UBR4: variants seen among roughly 807,000 people sequenced by gnomAD.
UBR4 encodes the protein E3 ubiquitin-protein ligase UBR4.
UBR4 carries 124 observed loss-of-function variants against 575.6 expected under a neutral mutation model. The ratio of observed to expected loss-of-function variants is 0.22; its 90% confidence interval spans 0.19 to 0.25. UBR4 has a LOEUF of 0.25. Ranked by LOEUF, UBR4 falls within the 10% of genes least tolerant of loss-of-function variation. UBR4 has a pLI of 1.00. For missense variants in UBR4, 4,818 were observed against 6,478.8 expected, an observed-to-expected ratio of 0.74 and a Z score of 8.80; for synonymous variants, 2,455 against 2,473.7, an observed-to-expected ratio of 0.99 and a Z score of 0.22.
chr1:19,106,041 G>A (rs2079154835), intron 83 of UBR4, among the ~76,000 whole-genome samples, 199 bp from the exon 84 acceptor site: 1 of 152,184 alleles, frequency 6.6e-6, no homozygotes. Flanking sequence ...AAAGAGCCCT[G>A]CTTCTGCCTG....
At chr1:19,195,852 T>G (rs1208329190) in intron 8 of UBR4, among the ~76,000 whole-genome samples, 1 of 152,038 alleles carries the variant, frequency 6.6e-6, no homozygotes, top group Non-Finnish European at 1.5e-5. Flanking sequence ...TCTTTAATGG[T>G]CTCTACTATC....
rs1429019423 is a variant in UBR4 at position 19,162,493 on chromosome 1, C to T, written c.4883G>A (p.Arg1628Gln). 3 of 1,614,046 alleles carry T rather than the reference C, an allele frequency of 1.9e-6. No individual in the cohort carries two copies. Among genetic ancestry groups the T allele is most frequent in the Non-Finnish European group, 8.5e-7 (1 of 1,179,944 alleles). The change falls in exon 35 of 106, where the codon CGG becomes CAG. Residue 1628 changes from arginine to glutamine, a missense_variant. Around this residue, in one of 29 missense-constraint regions of UBR4, gnomAD observed 1,172 missense variants for 1,259.7 expected, o/e 0.93. Coordinates refer to ENST00000375254, the MANE Select transcript of UBR4 (RefSeq NM_020765.3). ...CCAGTCTGAGTCTACTTCAATGGCC[C>T]GCTCTTCCCCATCCACTGAGAGATG... Reference protein sequence around the residue: ...PSHLSVDGEERAIEVDSDWVE... With the variant: ...PSHLSVDGEEQAIEVDSDWVE...
At chr1:19,175,670 A>G (rs1277348748) in intron 20 of UBR4, among the ~76,000 whole-genome samples, 1 of 152,240 alleles carries the variant, frequency 6.6e-6, no homozygotes, top group Non-Finnish European at 1.5e-5. Context: ...TTAGCTATAC[A>G]TTAGAACCAC....
intron 78 of UBR4, chr1:19,112,300 A>T (rs2079986300): frequency 1.8e-6 from 1 of 540,822 alleles, no homozygotes; most frequent in South Asian, 2.8e-5. Context: ...ACTGGAACCA[A>T]AAAAGCACAA....
chr1:19,080,476 T>C (rs2076377859), intron 103 of UBR4: 1 of 152,182 alleles, frequency 6.6e-6, no homozygotes, highest in South Asian at 2.1e-4. Context: ...CCCTAAAAGT[T>C]TCTCTCTGCT....
At chr1:19,125,242 T>C (rs2081595231) in intron 64 of UBR4, among the ~76,000 whole-genome samples, 1 of 152,176 alleles carries the variant, frequency 6.6e-6, no homozygotes, top group Non-Finnish European at 1.5e-5. Context: ...TGTGGTCCCA[T>C]AAAAAGAATC....
In UBR4 at chr1:19,153,809, A is replaced by G; in HGVS notation, c.6589T>C (p.Phe2197Leu). ...PLVVMVKPDT[F>L]LIQEIKTLPA... ...AGAGTCTTAATCTCCTGGATAAGAA[A>G]AGTGTCTGGTTTCACCATAACTACC... Residue 2197 changes from phenylalanine to leucine, a missense_variant, in exon 45 of 106, where the codon TTT becomes CTT. Physicochemically the swap from Phe to Leu is conservative, Grantham distance 22. Transcript: ENST00000375254. This position sits in a 1 kb window ranked among gnomAD's most constrained non-coding sequence, Gnocchi z 4.1. The G allele has an allele frequency of 6.2e-7, 1 of 1,614,198 alleles. No individual in the cohort carries two copies. The highest frequency in any genetic ancestry group is 2.2e-5 in the East Asian group (1 of 44,878).
Position 19,198,648 on chromosome 1 carries a change from T to A in UBR4, c.541A>T (p.Ser181Cys). 1 of 1,614,190 alleles carries A rather than the reference T, an allele frequency of 6.2e-7. No homozygotes were observed. The highest frequency in any genetic ancestry group is 8.5e-7 in the Non-Finnish European group (1 of 1,180,010). Residue 181 changes from serine (S) to cysteine (C), a missense_variant, in exon 5 of 106, where the codon AGC (serine) becomes TGC (cysteine). Ser to Cys is a moderately radical substitution (Grantham distance 112). Transcript: ENST00000375254. Reference sequence around the variant, plus strand: ...ACCTCCTTTTGCCTCAACTCAGGGCTTACTGGTGAGGCCAGCTCTTTCTGA... The same window carrying A: ...ACCTCCTTTTGCCTCAACTCAGGGCATACTGGTGAGGCCAGCTCTTTCTGA... Reference protein sequence around the residue: ...EDQKELASPVSPELRQKEVQM... With the variant: ...EDQKELASPVCPELRQKEVQM...
intron 74 of UBR4, 104 bp from the exon 75 acceptor site, chr1:19,115,053 C>T (rs2080333463): frequency 6.7e-7 from 1 of 1,481,944 alleles, no homozygotes; most frequent in Non-Finnish European, 9.2e-7. Flanking sequence ...CTGGTAACTA[C>T]TGCAGGGGCT....
intron 29 of UBR4, among the ~76,000 whole-genome samples, chr1:19,166,616 G>A (rs1459383786): frequency 1.3e-5 from 2 of 150,270 alleles, no homozygotes; most frequent in South Asian, 2.1e-4. Context: ...GGTGGCTCAC[G>A]CCTGTAATCC....
Position 19,150,553 on chromosome 1 carries a change from GCCAA to G in UBR4, c.7430+20_7430+23del. 1 of 1,611,042 alleles carries G rather than the reference GCCAA, an allele frequency of 6.2e-7. No individual in the cohort carries two copies. The highest frequency in any genetic ancestry group is 8.5e-7 in the Non-Finnish European group (1 of 1,178,840). On this transcript the variant is annotated intron_variant, in intron 49 of 105. Coordinates refer to ENST00000375254, the MANE Select transcript of UBR4 (RefSeq NM_020765.3). ...GTGAGTGGAATATGTAAAAACTGAAGCCAACCCCTGCCAGCACTGGTACCTCTCC... is the reference window on the plus strand; with the variant it reads ...GTGAGTGGAATATGTAAAAACTGAAGCCCCTGCCAGCACTGGTACCTCTCC...
At chr1:19,161,170 T>A (rs745867205) in intron 37 of UBR4, 23 bp from the exon 38 acceptor site, 1 of 1,607,626 alleles carries the variant, frequency 6.2e-7, no homozygotes, top group South Asian at 1.1e-5. Context: ...AATGTCAGAG[T>A]CCCTAAGTTC....
chr1:19,110,353 C>T lies in UBR4; in HGVS notation c.11977+27G>A. On this transcript the variant is annotated intron_variant, in intron 80 of 105. Transcript: ENST00000375254. This position sits in a 1 kb window ranked among gnomAD's most constrained non-coding sequence, Gnocchi z 4.5. ...AGGACTGCTCCTTTGAGCCTCCTTT[C>T]CTTTCTCTGAAAATCCCCTAACTCA... 6.2e-7 allele frequency: 1 copy of T among 1,613,936 alleles called. No individual in the cohort carries two copies. Among genetic ancestry groups the T allele is most frequent in the Non-Finnish European group, 8.5e-7 (1 of 1,179,910 alleles).
chr1:19,076,487 G>C (rs370745360), intron 105 of UBR4, among the ~76,000 whole-genome samples: 1 of 152,288 alleles, frequency 6.6e-6, no homozygotes, highest in East Asian at 1.9e-4. Flanking sequence ...GGGCTGCCTC[G>C]AGGGCTGAGA....
Position 19,198,192 on chromosome 1 carries a change from AG to A in UBR4, c.649-144del, listed in dbSNP as rs1245046385. On this transcript the variant is annotated intron_variant, in intron 5 of 105. Transcript: ENST00000375254. ...TCCTTACTCATGTTGGAGAAAATAC[AG>A]GTTACATTTTCAGGAGGAGGGAAAA... 9 of 842,282 alleles carry A rather than the reference AG, an allele frequency of 1.1e-5. No homozygotes were observed. The African/African-American group carries it at 1.5e-4, about 14-fold the overall frequency. 52.2% of individuals were successfully genotyped at this position (842,282 alleles called of 1,614,324 possible).
rs767014607 is a variant in UBR4, at chr1:19,156,377, T to G, written c.5966A>C (p.His1989Pro). ...TGCCAACTGAGGGTGCAAAACCAAG[T>G]GATCCGAAACAGAGCCTGAGCTACT... The part of the protein sequence containing the change: ...TFSSSGSVSD[H>P]LVLHPQLATG... The change falls in exon 42 of 106, where the codon CAC becomes CCC. Residue 1989 changes from histidine to proline, a missense_variant. Physicochemically the swap from His to Pro is moderately conservative, Grantham distance 77 (BLOSUM62 -2). Transcript: ENST00000375254. 5.0e-6 allele frequency: 8 copies of G among 1,614,062 alleles called. No homozygotes were observed. The highest frequency in any genetic ancestry group is 2.5e-6 in the Non-Finnish European group (3 of 1,180,024).
In UBR4 at chr1:19,170,839, T is replaced by G; in HGVS notation, c.3566A>C (p.Lys1189Thr). ...GCCTTGCAGTTTCTCCTTGGAAGGT[T>G]TCTCAGTTGTTCCCTCTTCATTAAA... The part of the protein sequence containing the change: ...QNFNEEGTTE[K>T]PSKEKLQGFA... The change falls in exon 26 of 106, where the codon AAA becomes ACA. Residue 1189 changes from lysine (K) to threonine (T), a missense_variant. This residue lies in a region of UBR4 where 1,172 missense variants were observed against 1,259.7 expected (regional missense o/e 0.93). Transcript: ENST00000375254. 6.2e-7 allele frequency: 1 copy of G among 1,614,128 alleles called. No homozygotes were observed. The highest frequency in any genetic ancestry group is 8.5e-7 in the Non-Finnish European group (1 of 1,180,024).
rs2081985172 is a variant in UBR4 at position 19,127,795 on chromosome 1, C to T, written c.9112-56G>A. 3 of 1,417,376 alleles carry T rather than the reference C, an allele frequency of 2.1e-6. No homozygotes were observed. The Admixed American group carries it at 5.1e-5, about 24-fold the overall frequency. The allele number at this position is 1,417,376 out of a possible 1,614,324, so 87.8% of individuals were successfully genotyped here. On this transcript the variant is annotated intron_variant, in intron 62 of 105. Transcript: ENST00000375254. Reference sequence around the variant, plus strand: ...CTACTTACTCGATGCTTGAGGCATCCTCTGAACAAGATCCCTTCAAGTCAA... The same window carrying T: ...CTACTTACTCGATGCTTGAGGCATCTTCTGAACAAGATCCCTTCAAGTCAA...
chr1:19,147,890 C>T (rs1403564871), intron 51 of UBR4, 103 bp downstream of exon 51: 14 of 1,491,294 alleles, frequency 9.4e-6, no homozygotes, highest in African/African-American at 1.4e-5. Flanking sequence ...GAATGCTATC[C>T]TCCCTCTACC....
Sources: gnomAD v4.1 joint callset for allele counts (sites outside exome capture counted in the v4.1 genomes callset) on GRCh38, gnomAD v4.1.1 for gene constraint, gnomAD v4.1.1 regional missense constraint, Gnocchi (gnomAD v3.1) non-coding constraint, MANE v1.5 for transcripts, NCBI Gene and HGNC (gene_info 2026-07-23, HGNC 2026-07-21) for gene names.